RPS6KA6: variants seen among roughly 807,000 people sequenced by gnomAD.
The protein encoded by RPS6KA6 is ribosomal protein S6 kinase A6, also known as ribosomal protein S6 kinase alpha-6.
A neutral mutation model predicts 65.4 loss-of-function variants in RPS6KA6; 27 were observed. That is an observed-to-expected ratio of 0.41 (90% CI 0.30 to 0.57). RPS6KA6 has a LOEUF of 0.57. Ranked by LOEUF, RPS6KA6 falls within the 20% of genes least tolerant of loss-of-function variation. RPS6KA6 has a pLI of 0.24. For synonymous variants in RPS6KA6, 190 were observed against 184.2 expected (o/e 1.03, Z -0.26); for missense variants, 486 against 555.6 (o/e 0.87, Z 1.26).
chrX:84,141,851 A>G (rs1241178441), intron 6 of RPS6KA6, among the ~76,000 whole-genome samples: 2 of 111,751 alleles, frequency 1.8e-5, no homozygotes, highest in Non-Finnish European at 3.8e-5. Flanking sequence ...TTATGTACCT[A>G]ATAACAGAAC....
intron 16 of RPS6KA6, 129 bp from the exon 17 acceptor site, chrX:84,104,786 T>C (rs964042873): frequency 2.4e-6 from 1 of 409,593 alleles, no homozygotes; most frequent in Non-Finnish European, 3.9e-6. Context: ...AAAGACATTA[T>C]TCCTTTACTC....
At chrX:84,148,327 C>T (rs772496686) in intron 3 of RPS6KA6, among the ~76,000 whole-genome samples, 10 of 110,080 alleles carry the variant, frequency 9.1e-5, no homozygotes, top group Non-Finnish European at 1.5e-4. Context: ...ATACATTATA[C>T]GTATTGAAAC....
chrX:84,074,734 C>A (rs774344819), intron 20 of RPS6KA6, among the ~76,000 whole-genome samples: 10 of 111,181 alleles, frequency 9.0e-5, no homozygotes, highest in Non-Finnish European at 1.9e-4. Flanking sequence ...GTATCTAGCA[C>A]CCACCAAGGT....
chrX:84,114,278 A>G lies in RPS6KA6; in HGVS notation c.1008+1951T>C, dbSNP rs779532090. On this transcript the variant is annotated intron_variant, in intron 12 of 21. Coordinates refer to ENST00000262752, the MANE Select transcript of RPS6KA6 (RefSeq NM_014496.5). ...TGAGGCAGGAGAATCGCTTGAACCC[A>G]GAAGTTCCAGACCATCCTAGTCAAC... is the stretch of plus-strand genomic sequence containing the variant. Among the ~76,000 whole-genome samples, 4 of 110,936 alleles carry G rather than the reference A, an allele frequency of 3.6e-5. No homozygotes were observed. In the South Asian group the frequency reaches 1.6e-3, roughly 44 times the overall value.
At position 84,119,933 on chromosome X, in the gene RPS6KA6, C is replaced by G; in HGVS notation, c.741G>C (p.Arg247Ser). 2 of 1,198,387 alleles carry G rather than the reference C, an allele frequency of 1.7e-6. No homozygotes were observed. The highest frequency in any genetic ancestry group is 3.5e-5 in the African/African-American group (2 of 57,394). The part of the protein sequence containing the change: ...VEYMAPEVVN[R>S]RGHSQSADWW... ...AATCAGCACTCTGGGAATGGCCTCTCCTATTTACTACTTCAGGAGCCATAT... is the reference window on the plus strand; with the variant it reads ...AATCAGCACTCTGGGAATGGCCTCTGCTATTTACTACTTCAGGAGCCATAT... Residue 247 changes from arginine to serine, a missense_variant, in exon 9 of 22, where the codon AGG becomes AGC. By Grantham distance (110) the Arg-to-Ser change is moderately radical. Around this residue, in one of 3 missense-constraint regions of RPS6KA6, gnomAD observed 345 missense variants for 375.0 expected, o/e 0.92. Coordinates refer to ENST00000262752, the MANE Select transcript of RPS6KA6 (RefSeq NM_014496.5).
intron 20 of RPS6KA6, among the ~76,000 whole-genome samples, chrX:84,089,922 G>A (rs1485798290): frequency 8.9e-6 from 1 of 111,994 alleles, no homozygotes; most frequent in Non-Finnish European, 1.9e-5. Flanking sequence ...ATGTACTCAG[G>A]TTTCTTATTT....
intron 8 of RPS6KA6, among the ~76,000 whole-genome samples, chrX:84,133,118 G>C (rs2034931898): frequency 9.0e-6 from 1 of 111,664 alleles, no homozygotes; most frequent in Admixed American, 9.5e-5. Context: ...TAAGCATGTG[G>C]GAGTTATTTA....
At chrX:84,169,172 T>C (rs1310738380) in intron 1 of RPS6KA6, among the ~76,000 whole-genome samples, 1 of 111,980 alleles carries the variant, frequency 8.9e-6, no homozygotes, top group East Asian at 2.8e-4. Flanking sequence ...AAGGTAGTAA[T>C]AATTTACTCA....
intron 20 of RPS6KA6, among the ~76,000 whole-genome samples, chrX:84,095,424 AT>A (rs2034132264): frequency 9.0e-6 from 1 of 111,377 alleles, no homozygotes; most frequent in Non-Finnish European, 1.9e-5. Context: ...TGGGTTGACT[AT>A]TTTTTCCCCC....
intron 20 of RPS6KA6, among the ~76,000 whole-genome samples, chrX:84,074,864 G>C (rs2147342336): frequency 9.0e-6 from 1 of 111,729 alleles, no homozygotes; most frequent in South Asian, 3.8e-4. Flanking sequence ...GTCAGAATTA[G>C]CAGACAAGGA....
intron 12 of RPS6KA6, among the ~76,000 whole-genome samples, chrX:84,113,951 A>G (rs952516083): frequency 8.9e-6 from 1 of 112,210 alleles, no homozygotes; most frequent in African/African-American, 3.2e-5. Flanking sequence ...TAAAATCAAC[A>G]TACAAAAATC....
intron 8 of RPS6KA6, among the ~76,000 whole-genome samples, chrX:84,122,413 C>A (rs1178877907): frequency 1.2e-5 from 1 of 86,101 alleles, no homozygotes; most frequent in African/African-American, 4.6e-5. Flanking sequence ...TCACTGCAAC[C>A]TCCGCCTCTC....
At chrX:84,076,267 T>G (rs1490766575) in intron 20 of RPS6KA6, among the ~76,000 whole-genome samples, 2 of 111,802 alleles carry the variant, frequency 1.8e-5, no homozygotes, top group Non-Finnish European at 3.8e-5. Context: ...CTAAATAACT[T>G]TTTTCAGAAA....
chrX:84,168,665 A>G (rs1434291153), intron 1 of RPS6KA6, among the ~76,000 whole-genome samples: 2 of 112,206 alleles, frequency 1.8e-5, no homozygotes, highest in Non-Finnish European at 3.8e-5. Context: ...ATGCATAGGA[A>G]GAGGATTATC....
chrX:84,072,605 ATACTGT>A (rs1467348070), intron 20 of RPS6KA6, among the ~76,000 whole-genome samples: 2 of 111,938 alleles, frequency 1.8e-5, no homozygotes, highest in African/African-American at 6.5e-5. Context: ...GAAGGAAATA[ATACTGT>A]TACTATTTGC....
At chrX:84,123,045 C>T (rs991098966) in intron 8 of RPS6KA6, among the ~76,000 whole-genome samples, 1 of 112,032 alleles carries the variant, frequency 8.9e-6, no homozygotes, top group African/African-American at 3.2e-5. Flanking sequence ...TGTGAGGTTC[C>T]CATTCCAGGC....
At chrX:84,085,023 T>C (rs986647422) in intron 20 of RPS6KA6, among the ~76,000 whole-genome samples, 1 of 111,646 alleles carries the variant, frequency 9.0e-6, no homozygotes, top group African/African-American at 3.3e-5. Flanking sequence ...TGTTGGGGCA[T>C]AGAAATGCTA....
At chrX:84,114,980 A>G (rs1450710584) in intron 12 of RPS6KA6, among the ~76,000 whole-genome samples, 3 of 112,233 alleles carry the variant, frequency 2.7e-5, no homozygotes, top group African/African-American at 9.7e-5. Context: ...GAAGACTTAA[A>G]CATAAGATGT....
At chrX:84,166,266 A>C (rs2035595335) in intron 1 of RPS6KA6, among the ~76,000 whole-genome samples, 1 of 111,702 alleles carries the variant, frequency 9.0e-6, no homozygotes, top group Non-Finnish European at 1.9e-5. Context: ...ATTATCAACA[A>C]GTATCAACTC....
Sources: gnomAD v4.1 joint callset for allele counts (sites outside exome capture counted in the v4.1 genomes callset) on GRCh38, gnomAD v4.1.1 for gene constraint, gnomAD v4.1.1 regional missense constraint, MANE v1.5 for transcripts, NCBI Gene and HGNC (gene_info 2026-07-23, HGNC 2026-07-21) for gene names.